The following TBC1D5 variants were observed in gnomAD, a reference collection of about 807,000 sequenced individuals.
TBC1D5 encodes the protein TBC1 domain family, member 5.
A neutral mutation model predicts 100.3 loss-of-function variants in TBC1D5; 75 were observed. That is an observed-to-expected ratio of 0.75 (90% CI 0.62 to 0.91). The LOEUF is 0.91. Ranked by LOEUF, TBC1D5 falls within the 40% of genes least tolerant of loss-of-function variation. The probability of loss-of-function intolerance (pLI) is 0.00; values close to 1 mark genes in which losing one functional copy is unlikely to be tolerated. For missense variants in TBC1D5, 910 were observed against 942.4 expected (o/e 0.97, Z 0.45); for synonymous variants, 323 against 325.6 (o/e 0.99, Z 0.09).
At chr3:17,233,784 T>C (rs1559460720) in intron 17 of TBC1D5, 34 bp from the exon 18 acceptor site, 10 of 1,392,308 alleles carry the variant, frequency 7.2e-6, no homozygotes, top group South Asian at 3.9e-5. Context: ...TTAGATTTCA[T>C]AAAAAGGAAA....
chr3:17,245,970 T>A (rs2076703621), intron 16 of TBC1D5, among the ~76,000 whole-genome samples: 1 of 152,124 alleles, frequency 6.6e-6, no homozygotes, highest in Non-Finnish European at 1.5e-5. Context: ...GAGAGTATAA[T>A]CCTGAAATGT....
At chr3:17,204,133 T>C (rs980930449) in intron 18 of TBC1D5, among the ~76,000 whole-genome samples, 3 of 152,172 alleles carry the variant, frequency 2.0e-5, no homozygotes, top group Admixed American at 6.5e-5. Flanking sequence ...GGATAAATGA[T>C]GAGATGCCAG....
chr3:17,428,409 GTGTA>G (rs140342275), intron 4 of TBC1D5, 37 bp downstream of exon 4: 16,800 of 365,892 alleles, frequency 0.046, 22 homozygotes, highest in Middle Eastern at 0.059. Flanking sequence ...GTGTGTGTGT[GTGTA>G]TATATATATA....
chr3:17,201,205 A>G (rs546091504), intron 18 of TBC1D5, among the ~76,000 whole-genome samples: 1 of 152,028 alleles, frequency 6.6e-6, no homozygotes, highest in Admixed American at 6.6e-5. Context: ...AATTTAATTT[A>G]CTCCCCAACT....
At chr3:17,317,391 GGGAAA>G (rs2084827207) in intron 13 of TBC1D5, among the ~76,000 whole-genome samples, 1 of 152,094 alleles carries the variant, frequency 6.6e-6, no homozygotes, top group Non-Finnish European at 1.5e-5. Context: ...GAGCCATGAA[GGGAAA>G]GGGCAGTCAA....
rs532244488 is a variant in TBC1D5, at chr3:17,225,252, A to G, written c.1589-10882T>C. On this transcript the variant is annotated intron_variant, in intron 17 of 21. Coordinates refer to ENST00000253692, the Ensembl canonical transcript of TBC1D5. ...TCAGGAGTTAGAGACCAGCCTGGCC[A>G]ACATGGTGAAACCCCGTCTCTATTA... Among the ~76,000 whole-genome samples, 132 of 152,222 alleles carry G rather than the reference A, an allele frequency of 8.7e-4. 1 individual carries two copies. The highest frequency in any genetic ancestry group is 1.6e-3 in the Non-Finnish European group (107 of 68,006).
Position 17,166,874 on chromosome 3 carries a change from C to T in TBC1D5, c.1987G>A (p.Glu663Lys), listed in dbSNP as rs369942333. The change falls in exon 21 of 22, where the codon GAA becomes AAA. Residue 663 changes from glutamate (E) to lysine (K), a missense_variant. Glu to Lys is a moderately conservative substitution (Grantham distance 56, BLOSUM62 1). Coordinates refer to ENST00000253692, the Ensembl canonical transcript of TBC1D5. ...GCAATGGTGATCTGTTCGTTCTCTT[C>T]GGCCTCTAGCTGGCTCTGGTTAAAA... 48 of 1,614,008 alleles carry T rather than the reference C, an allele frequency of 3.0e-5. No homozygotes were observed. The highest frequency in any genetic ancestry group is 4.0e-5 in the African/African-American group (3 of 74,938).
intron 2 of TBC1D5, among the ~76,000 whole-genome samples, chr3:17,591,247 A>AAAAAC (rs2096767650): frequency 7.5e-6 from 1 of 132,734 alleles, no homozygotes; most frequent in East Asian, 2.0e-4. Flanking sequence ...AAAAAAAAAA[A>AAAAAC]AAAAAAAAAA....
At chr3:17,729,486 T>C (rs1484823188) in intron 1 of TBC1D5, among the ~76,000 whole-genome samples, 2 of 151,866 alleles carry the variant, frequency 1.3e-5, no homozygotes, top group Non-Finnish European at 2.9e-5. Flanking sequence ...GGCAGACAGA[T>C]TACGAGGTCA....
At chr3:17,275,496 T>G (rs2079884054) in intron 15 of TBC1D5, among the ~76,000 whole-genome samples, 1 of 152,114 alleles carries the variant, frequency 6.6e-6, no homozygotes, top group Non-Finnish European at 1.5e-5. Context: ...ACTATGATTG[T>G]GCCACTGCTC....
intron 15 of TBC1D5, among the ~76,000 whole-genome samples, chr3:17,276,889 C>T (rs978705040): frequency 1.3e-5 from 2 of 152,172 alleles, no homozygotes; most frequent in Non-Finnish European, 2.9e-5. Flanking sequence ...GCATGAATTG[C>T]CATGCTAATT....
intron 16 of TBC1D5, among the ~76,000 whole-genome samples, chr3:17,255,261 C>A (rs2077536065): frequency 6.6e-6 from 1 of 152,140 alleles, no homozygotes; most frequent in Admixed American, 6.5e-5. Context: ...AATGCAGTGG[C>A]ACGATCTCGG....
At position 17,174,203 on chromosome 3, in the gene TBC1D5, C is replaced by T. The variant is rs753958122; in HGVS notation, c.1853-6375G>A. Among the ~76,000 whole-genome samples the T allele has an allele frequency of 3.9e-5, 6 of 152,284 alleles. No homozygotes were observed. The Middle Eastern group carries it at 0.01, about 261-fold the overall frequency. ...GTTGGGTCCCTCTTGCTTTATCTCT[C>T]ACTCTTGGACAATAATTCAATGATG... On this transcript the variant is annotated intron_variant, in intron 19 of 21. Transcript: ENST00000253692.
At chr3:17,237,800 T>C (rs1026560589) in intron 17 of TBC1D5, among the ~76,000 whole-genome samples, 3 of 152,200 alleles carry the variant, frequency 2.0e-5, no homozygotes, top group Admixed American at 6.5e-5. Flanking sequence ...GTGAAGCCCA[T>C]GGTACCGGAA....
intron 3 of TBC1D5, among the ~76,000 whole-genome samples, chr3:17,437,630 GAGAGA>G (rs1559884575): frequency 1.4e-4 from 19 of 139,248 alleles, no homozygotes; most frequent in Non-Finnish European, 2.8e-4. Flanking sequence ...GGTAGAGAGA[GAGAGA>G]GAGAGAGAGG....
At chr3:17,456,213 G>A (rs2095081425) in intron 3 of TBC1D5, among the ~76,000 whole-genome samples, 2 of 151,976 alleles carry the variant, frequency 1.3e-5, no homozygotes. Context: ...AAAAAATCTG[G>A]GAAACTCTCC....
intron 1 of TBC1D5, among the ~76,000 whole-genome samples, chr3:17,627,055 A>C (rs1045678717): frequency 5.9e-5 from 9 of 152,214 alleles, no homozygotes; most frequent in African/African-American, 2.2e-4. Flanking sequence ...AGAGACTTCT[A>C]AAGTATTCCA....
intron 16 of TBC1D5, among the ~76,000 whole-genome samples, chr3:17,254,355 C>G (rs953584952): frequency 1.3e-5 from 2 of 152,152 alleles, no homozygotes; most frequent in Non-Finnish European, 2.9e-5. Context: ...TCTAATTGCT[C>G]CACATCCTTG....
intron 2 of TBC1D5, among the ~76,000 whole-genome samples, chr3:17,592,619 A>AGTTTTG (rs1321408957): frequency 6.6e-6 from 1 of 152,224 alleles, no homozygotes; most frequent in African/African-American, 2.4e-5. Context: ...AAAGGCTGCC[A>AGTTTTG]GTTTTGAATG....
Sources: gnomAD v4.1 joint callset for allele counts (sites outside exome capture counted in the v4.1 genomes callset) on GRCh38, gnomAD v4.1.1 for gene constraint, MANE v1.5 for transcripts, NCBI Gene and HGNC (gene_info 2026-07-23, HGNC 2026-07-21) for gene names.